Variants in PCDHGB4 observed in about 807,000 individuals in gnomAD.
PCDHGB4 encodes protocadherin gamma subfamily B, 4, also known as protocadherin gamma-B4.
A neutral mutation model predicts 60.5 loss-of-function variants in PCDHGB4; 38 were observed. The observed-to-expected ratio is 0.63, with a 90% CI of 0.48 to 0.82. PCDHGB4 has a LOEUF of 0.82. Ranked by LOEUF, PCDHGB4 falls within the 40% of genes least tolerant of loss-of-function variation. The probability of loss-of-function intolerance (pLI) is 0.00; values close to 1 mark genes in which losing one functional copy is unlikely to be tolerated. For synonymous variants in PCDHGB4, 456 were observed against 509.7 expected (o/e 0.89, Z 1.42); for missense variants, 1,109 against 1,209.6 (o/e 0.92, Z 1.23).
intron 2 of PCDHGB4, among the ~76,000 whole-genome samples, chr5:141,495,936 T>C (rs1329369782): frequency 6.6e-6 from 1 of 152,206 alleles, no homozygotes; most frequent in Non-Finnish European, 1.5e-5. Flanking sequence ...GTCTCTGGTC[T>C]CTGTGCCTGT....
Position 141,476,656 on chromosome 5 carries a change from T to G in PCDHGB4, c.2398-18151T>G, listed in dbSNP as rs190269177. On this transcript the variant is annotated intron_variant, in intron 1 of 3. Transcript: ENST00000519479. The surrounding 1 kb of genome is among the most constrained non-coding windows in gnomAD (Gnocchi z 7.6). ...ATGAGCTGAGCCGAAATGAATACTTTGCGCTTCGCGTGCAGACGCGGGAGG... is the reference window on the plus strand; with the variant it reads ...ATGAGCTGAGCCGAAATGAATACTTGGCGCTTCGCGTGCAGACGCGGGAGG... The G allele has an allele frequency of 1.2e-6, 2 of 1,614,210 alleles. No individual in the cohort carries two copies. The highest frequency in any genetic ancestry group is 1.7e-6 in the Non-Finnish European group (2 of 1,180,044).
chr5:141,467,952 C>A (rs1341210155), intron 1 of PCDHGB4, among the ~76,000 whole-genome samples: 1 of 152,186 alleles, frequency 6.6e-6, no homozygotes, highest in Non-Finnish European at 1.5e-5. Flanking sequence ...AGCCACCACA[C>A]CCGGCTGCCA....
At chr5:141,426,925 A>G in intron 1 of PCDHGB4, 1 of 456,756 alleles carries the variant, frequency 2.2e-6, no homozygotes, top group Non-Finnish European at 4.4e-6. Flanking sequence ...GAAGCAATGG[A>G]CATGGGTGAC....
chr5:141,419,447 C>T (rs754931078), intron 1 of PCDHGB4: 8 of 1,613,016 alleles, frequency 5.0e-6, no homozygotes, highest in Non-Finnish European at 4.2e-6. Flanking sequence ...CACCTTCGAG[C>T]TCACGCTGCA....
At chr5:141,419,029 T>C in intron 1 of PCDHGB4, 1 of 1,613,886 alleles carries the variant, frequency 6.2e-7, no homozygotes, top group Non-Finnish European at 8.5e-7. Flanking sequence ...GTAGAGGTGT[T>C]CCATTTAAGA....
chr5:141,469,049 G>A (rs916327969), intron 1 of PCDHGB4, among the ~76,000 whole-genome samples: 3 of 152,054 alleles, frequency 2.0e-5, no homozygotes, highest in African/African-American at 2.4e-5. Context: ...GGCCAAGGTG[G>A]GAGGATTGCT....
chr5:141,435,910 G>T (rs1296707748), intron 1 of PCDHGB4, among the ~76,000 whole-genome samples: 2 of 152,112 alleles, frequency 1.3e-5, no homozygotes, highest in Non-Finnish European at 2.9e-5. Flanking sequence ...ACATCCAAGG[G>T]CTCTAAAATG....
chr5:141,471,427 AGT>A (rs1475862025), intron 1 of PCDHGB4: 1 of 152,188 alleles, frequency 6.6e-6, no homozygotes, highest in Non-Finnish European at 1.5e-5. Flanking sequence ...TAGCAAGGAA[AGT>A]GTATAATCTC....
intron 1 of PCDHGB4, among the ~76,000 whole-genome samples, chr5:141,467,330 G>T (rs1335387199): frequency 6.6e-6 from 1 of 152,138 alleles, no homozygotes; most frequent in East Asian, 1.9e-4. Context: ...TGGGATTAGA[G>T]ACGTAAGCCA....
intron 1 of PCDHGB4, chr5:141,410,849 CTTTTTTTTTTTTTT>C (rs759346998): frequency 7.7e-6 from 1 of 129,786 alleles, no homozygotes; most frequent in African/African-American, 6.0e-5. Context: ...TTGTCTTTGT[CTTTTTTTTTTTTTT>C]TTTTTTTTGA....
At chr5:141,468,783 G>T (rs908838744) in intron 1 of PCDHGB4, among the ~76,000 whole-genome samples, 5 of 151,346 alleles carry the variant, frequency 3.3e-5, no homozygotes, top group East Asian at 2.0e-4. Flanking sequence ...GGAGAATGGC[G>T]TGAACCCGGG....
chr5:141,409,502 T>C, intron 1 of PCDHGB4: 2 of 1,613,986 alleles, frequency 1.2e-6, no homozygotes, highest in South Asian at 1.1e-5. Flanking sequence ...GCCTCTTTCT[T>C]CCAGTAGAAG....
intron 1 of PCDHGB4, chr5:141,392,883 TGGGAAATC>T (rs1224904365): frequency 3.1e-6 from 5 of 1,613,518 alleles, no homozygotes; most frequent in Non-Finnish European, 4.2e-6. Flanking sequence ...GGGAACGCTG[TGGGAAATC>T]GGGAGGGGAC....
At chr5:141,394,327 T>C (rs747533347) in intron 1 of PCDHGB4, 1 of 1,613,944 alleles carries the variant, frequency 6.2e-7, no homozygotes. Context: ...TCCTCGTATA[T>C]CTCCATCAAC....
chr5:141,398,183 T>C, intron 1 of PCDHGB4: 1 of 1,477,856 alleles, frequency 6.8e-7, no homozygotes, highest in South Asian at 1.4e-5. Flanking sequence ...GTGCTCTTTC[T>C]CTTCCTGCTG....
At chr5:141,400,799 G>C (rs2094077749) in intron 1 of PCDHGB4, 1 of 553,376 alleles carries the variant, frequency 1.8e-6, no homozygotes, top group Non-Finnish European at 3.2e-6. Flanking sequence ...CTTTCTCAAA[G>C]CTAATGAATT....
chr5:141,492,723 C>T (rs896613323), intron 1 of PCDHGB4, among the ~76,000 whole-genome samples: 2 of 152,268 alleles, frequency 1.3e-5, no homozygotes, highest in African/African-American at 4.8e-5. Flanking sequence ...GGCGGACAGG[C>T]AGAGCTGCCC....
At chr5:141,421,651 A>C in intron 1 of PCDHGB4, 1 of 1,613,868 alleles carries the variant, frequency 6.2e-7, no homozygotes, top group Non-Finnish European at 8.5e-7. Flanking sequence ...AGTGGAGATA[A>C]AAGTCAGTGA....
In PCDHGB4 at chr5:141,487,135, A is replaced by T; in HGVS notation, c.2398-7672A>T. 6.2e-7 allele frequency: 1 copy of T among 1,613,544 alleles called. No individual in the cohort carries two copies. The highest frequency in any genetic ancestry group is 8.5e-7 in the Non-Finnish European group (1 of 1,179,856). ...TGGTAAAGGATAGTGGTAGTCCACC[A>T]CTCTCTACCTCTGTTACTCTCTTAG... On this transcript the variant is annotated intron_variant, in intron 1 of 3. Transcript: ENST00000519479. The surrounding 1 kb of genome is among the most constrained non-coding windows in gnomAD (Gnocchi z 5.0).
Sources: gnomAD v4.1 joint callset for allele counts (sites outside exome capture counted in the v4.1 genomes callset) on GRCh38, gnomAD v4.1.1 for gene constraint, Gnocchi (gnomAD v3.1) non-coding constraint, MANE v1.5 for transcripts, NCBI Gene and HGNC (gene_info 2026-07-23, HGNC 2026-07-21) for gene names.